The following CSMD1 variants were observed in gnomAD, a reference collection of about 807,000 sequenced individuals.
CSMD1 encodes the protein CUB and sushi domain-containing protein 1.
A neutral mutation model predicts 417.5 loss-of-function variants in CSMD1; 213 were observed. That is an observed-to-expected ratio of 0.51 (90% CI 0.46 to 0.57). CSMD1 has a LOEUF of 0.57. CSMD1 is among the 20% of genes least tolerant of loss of function. The pLI, the probability that CSMD1 is intolerant of heterozygous loss-of-function variation, is 0.00. For missense variants in CSMD1, 6,923 were observed against 4,529.7 expected, an observed-to-expected ratio of 1.53 and a Z score of -15.17; for synonymous variants, 2,862 against 1,736.8, an observed-to-expected ratio of 1.65 and a Z score of -16.11.
chr8:3,709,937 GT>G (rs1563297058), intron 6 of CSMD1, among the ~76,000 whole-genome samples: 1 of 142,340 alleles, frequency 7.0e-6, no homozygotes, highest in Non-Finnish European at 1.5e-5. Flanking sequence ...CATACAAGGG[GT>G]TGGGGCACTG....
At chr8:3,871,366 A>C (rs1243545264) in intron 5 of CSMD1, among the ~76,000 whole-genome samples, 1 of 152,046 alleles carries the variant, frequency 6.6e-6, no homozygotes, top group East Asian at 1.9e-4. Context: ...TCTCTTACTA[A>C]AATAATGGAT....
chr8:3,286,861 C>T (rs200004311), intron 25 of CSMD1, among the ~76,000 whole-genome samples: 5,733 of 152,130 alleles, frequency 0.038, 174 homozygotes, highest in Admixed American at 0.089. Flanking sequence ...GCTTTTGTTG[C>T]CATTGCTTTT....
chr8:3,167,030 T>C lies in CSMD1; in HGVS notation c.5726-4753A>G, dbSNP rs181627816. Among the ~76,000 whole-genome samples, 189 of 152,286 alleles carry C rather than the reference T, an allele frequency of 1.2e-3. 2 individuals are homozygous for C. The highest frequency in any genetic ancestry group is 4.4e-3 in the African/African-American group (183 of 41,566). ...GGCGGGGCACAGTGGCTCACGCCTG[T>C]CATCCCAGCACTTTGGGAGGCCAAG... On this transcript the variant is annotated intron_variant, in intron 37 of 69. Transcript: ENST00000635120.
rs139798462 is a variant in CSMD1 at position 4,689,971 on chromosome 8, G to A, written c.86-52413C>T. On this transcript the variant is annotated intron_variant, in intron 1 of 69. Coordinates refer to ENST00000635120, the MANE Select transcript of CSMD1 (RefSeq NM_033225.6). Reference sequence around the variant, plus strand: ...GCAGGAAGTGGGCTGTATTACTGCCGTAAGCGTAGTGCTAAAGAATCGTAA... The same window carrying A: ...GCAGGAAGTGGGCTGTATTACTGCCATAAGCGTAGTGCTAAAGAATCGTAA... 3.4e-3 allele frequency among the ~76,000 whole-genome samples: 520 copies of A among 152,238 alleles called. 3 individuals carry two copies. Among genetic ancestry groups the A allele is most frequent in the African/African-American group, 0.012 (492 of 41,534 alleles).
At chr8:4,499,879 G>C (rs1457445321) in intron 2 of CSMD1, among the ~76,000 whole-genome samples, 1 of 152,166 alleles carries the variant, frequency 6.6e-6, no homozygotes, top group Non-Finnish European at 1.5e-5. Flanking sequence ...GGAAAGTAAT[G>C]GTTAGTATTG....
intron 1 of CSMD1, among the ~76,000 whole-genome samples, chr8:4,819,131 G>T (rs1162668483): frequency 6.6e-6 from 1 of 152,206 alleles, no homozygotes; most frequent in African/African-American, 2.4e-5. Context: ...GCAGCAGGCA[G>T]CTCATGCGTC....
At chr8:4,553,838 AG>A (rs1313773552) in intron 2 of CSMD1, among the ~76,000 whole-genome samples, 1 of 152,200 alleles carries the variant, frequency 6.6e-6, no homozygotes, top group Non-Finnish European at 1.5e-5. Context: ...TGATTGGGTT[AG>A]CTGGGAAGAC....
chr8:3,585,769 A>G (rs890185691), intron 9 of CSMD1, among the ~76,000 whole-genome samples: 1 of 152,200 alleles, frequency 6.6e-6, no homozygotes, highest in Non-Finnish European at 1.5e-5. Context: ...CTGCAATAGG[A>G]AAGTGAACAT....
At chr8:2,979,094 G>A (rs1286076663) in intron 54 of CSMD1, among the ~76,000 whole-genome samples, 1 of 152,146 alleles carries the variant, frequency 6.6e-6, no homozygotes, top group African/African-American at 2.4e-5. Flanking sequence ...CCTTGGTTAA[G>A]TTTTTGTGTT....
chr8:4,748,554 C>G (rs1036998136), intron 1 of CSMD1, among the ~76,000 whole-genome samples: 7 of 152,138 alleles, frequency 4.6e-5, no homozygotes, highest in African/African-American at 1.7e-4. Context: ...AAAGAACAGA[C>G]ATCAGGATTA....
chr8:4,204,353 G>C (rs1293941349), intron 3 of CSMD1, among the ~76,000 whole-genome samples: 4 of 151,598 alleles, frequency 2.6e-5, no homozygotes, highest in Non-Finnish European at 5.9e-5. Flanking sequence ...CCACTTCTAG[G>C]TGAGCAAACT....
At chr8:3,093,114 C>T (rs1196560775) in intron 47 of CSMD1, among the ~76,000 whole-genome samples, 1 of 152,088 alleles carries the variant, frequency 6.6e-6, no homozygotes, top group Non-Finnish European at 1.5e-5. Context: ...CCTATGAAGT[C>T]CTAACCCTCT....
intron 49 of CSMD1, among the ~76,000 whole-genome samples, chr8:3,086,304 A>G (rs1333488504): frequency 1.3e-5 from 2 of 152,198 alleles, no homozygotes; most frequent in East Asian, 1.9e-4. Flanking sequence ...TAAATAATAC[A>G]GTAGAGGTAA....
chr8:3,362,630 A>G (rs1809272495), intron 20 of CSMD1, among the ~76,000 whole-genome samples: 1 of 151,936 alleles, frequency 6.6e-6, no homozygotes, highest in African/African-American at 2.4e-5. Context: ...TGAACTGAAG[A>G]CTCTTGTCAA....
At chr8:3,399,284 G>A (rs551188407) in intron 16 of CSMD1, 107 bp downstream of exon 16, 7 of 1,034,176 alleles carry the variant, frequency 6.8e-6, no homozygotes, top group South Asian at 1.8e-5. Flanking sequence ...GCTCCTATGC[G>A]GGAACCGAAA....
At chr8:3,521,201 C>T (rs1485353761) in intron 10 of CSMD1, among the ~76,000 whole-genome samples, 1 of 152,202 alleles carries the variant, frequency 6.6e-6, no homozygotes, top group African/African-American at 2.4e-5. Context: ...ACACCCACCA[C>T]CCTTGCTTAA....
intron 5 of CSMD1, among the ~76,000 whole-genome samples, chr8:3,988,659 ACT>A (rs1392628874): frequency 1.3e-5 from 2 of 152,244 alleles, no homozygotes; most frequent in African/African-American, 4.8e-5. Flanking sequence ...TCAAAATTCC[ACT>A]GTTATCACAT....
chr8:4,220,022 T>TCACTACAACCTC (rs1452499925), intron 3 of CSMD1, among the ~76,000 whole-genome samples: 46 of 152,144 alleles, frequency 3.0e-4, no homozygotes, highest in Non-Finnish European at 6.0e-4. Context: ...CGATCTAGGC[T>TCACTACAACCTC]GACTACAACC....
At chr8:3,657,216 T>C (rs961198810) in intron 7 of CSMD1, among the ~76,000 whole-genome samples, 1 of 152,214 alleles carries the variant, frequency 6.6e-6, no homozygotes, top group Non-Finnish European at 1.5e-5. Context: ...CATTTCATTA[T>C]GCCTTGGGGT....
Sources: gnomAD v4.1 joint callset for allele counts (sites outside exome capture counted in the v4.1 genomes callset) on GRCh38, gnomAD v4.1.1 for gene constraint, MANE v1.5 for transcripts, NCBI Gene and HGNC (gene_info 2026-07-23, HGNC 2026-07-21) for gene names.